PIK3CB: variants seen among roughly 807,000 people sequenced by gnomAD.
The protein encoded by PIK3CB is phosphatidylinositol 4,5-bisphosphate 3-kinase catalytic subunit beta isoform.
Under a neutral mutation model 136.8 loss-of-function variants are expected in PIK3CB, and 39 were observed. The ratio of observed to expected loss-of-function variants is 0.29; its 90% CI spans 0.22 to 0.37. PIK3CB has a LOEUF of 0.37. Ranked by LOEUF, PIK3CB falls within the 10% of genes least tolerant of loss-of-function variation. The pLI is 1.00. For missense variants in PIK3CB, 868 were observed against 1,275.4 expected (o/e 0.68, Z 4.87); for synonymous variants, 428 against 436.6 (o/e 0.98, Z 0.25).
At chr3:138,803,018 CAAG>C (rs1213559045) in intron 1 of PIK3CB, among the ~76,000 whole-genome samples, 1 of 152,052 alleles carries the variant, frequency 6.6e-6, no homozygotes, top group Non-Finnish European at 1.5e-5. Context: ...GACAGCAATG[CAAG>C]AAGTAGAATA....
intron 2 of PIK3CB, among the ~76,000 whole-genome samples, chr3:138,795,088 G>A (rs960424409): frequency 6.6e-6 from 1 of 152,104 alleles, no homozygotes; most frequent in African/African-American, 2.4e-5. Flanking sequence ...GGGAGGCCGA[G>A]GCAGGCAGAT....
At chr3:138,717,372 A>C (rs957916058) in intron 8 of PIK3CB, among the ~76,000 whole-genome samples, 8 of 152,190 alleles carry the variant, frequency 5.3e-5, no homozygotes, top group Admixed American at 5.2e-4. Flanking sequence ...TTTATTTTAT[A>C]TAATGTTACC....
intron 3 of PIK3CB, among the ~76,000 whole-genome samples, chr3:138,757,422 CA>C (rs1307839938): frequency 2.8e-5 from 4 of 140,690 alleles, no homozygotes; most frequent in East Asian, 2.1e-4. Flanking sequence ...AAACAAAAAA[CA>C]AAAAAAAACC....
chr3:138,738,877 T>C (rs1459866124), intron 5 of PIK3CB, among the ~76,000 whole-genome samples: 1 of 152,250 alleles, frequency 6.6e-6, no homozygotes, highest in East Asian at 1.9e-4. Context: ...TAATTTAATT[T>C]AAATAAATCA....
chr3:138,745,042 C>T (rs1399754927), intron 4 of PIK3CB, among the ~76,000 whole-genome samples: 2 of 152,184 alleles, frequency 1.3e-5, no homozygotes, highest in African/African-American at 4.8e-5. Context: ...AGAGATTTCT[C>T]CAACAGGAAT....
chr3:138,817,192 GC>G (rs1461591407), intron 1 of PIK3CB, among the ~76,000 whole-genome samples: 1 of 152,102 alleles, frequency 6.6e-6, no homozygotes, highest in African/African-American at 2.4e-5. Context: ...CAAAAAATTA[GC>G]CGGGCGAGGT....
chr3:138,711,921 G>A (rs920990821), intron 10 of PIK3CB, among the ~76,000 whole-genome samples: 1 of 151,540 alleles, frequency 6.6e-6, no homozygotes, highest in African/African-American at 2.4e-5. Flanking sequence ...ACCAGCCTTG[G>A]CAGTATAGCG....
chr3:138,812,526 T>C (rs1035483173), intron 1 of PIK3CB, among the ~76,000 whole-genome samples: 6 of 149,362 alleles, frequency 4.0e-5, no homozygotes, highest in African/African-American at 1.5e-4. Flanking sequence ...TGAGCCACTG[T>C]GCCTGGCTTT....
chr3:138,701,406 A>C (rs1157822768), intron 12 of PIK3CB, among the ~76,000 whole-genome samples: 1 of 152,148 alleles, frequency 6.6e-6, no homozygotes, highest in African/African-American at 2.4e-5. Context: ...CTGAATCAGT[A>C]TTATTTTCCT....
chr3:138,712,257 T>C lies in PIK3CB; in HGVS notation c.1350A>G (p.Gly450=). The C allele has an allele frequency of 6.3e-7, 1 of 1,588,474 alleles. No individual in the cohort carries two copies. ...WVNTMVFDFK[G]QLRTGDIILH... ...ATATTATGTCTCCAGTTCTCAATTG[T>C]CCTTTAAAGTCAAAAACCATCGTAT... The change falls in exon 10 of 24, where the codon GGA becomes GGG. Residue 450 remains glycine (G), a synonymous_variant. Coordinates refer to ENST00000674063, the MANE Select transcript of PIK3CB (RefSeq NM_006219.3).
At chr3:138,705,912 C>A (rs2044370401) in intron 11 of PIK3CB, among the ~76,000 whole-genome samples, 1 of 152,132 alleles carries the variant, frequency 6.6e-6, no homozygotes, top group Admixed American at 6.5e-5. Flanking sequence ...GCCACCACAC[C>A]CAGCTAACTT....
intron 1 of PIK3CB, among the ~76,000 whole-genome samples, chr3:138,814,153 C>A (rs982656123): frequency 6.6e-6 from 1 of 152,056 alleles, no homozygotes; most frequent in Non-Finnish European, 1.5e-5. Context: ...TAACTATAAA[C>A]TCAAACAGTC....
chr3:138,696,850 C>T (rs1162907306), intron 13 of PIK3CB, among the ~76,000 whole-genome samples: 3 of 151,886 alleles, frequency 2.0e-5, no homozygotes, highest in African/African-American at 7.3e-5. Context: ...TTTGAAATAG[C>T]AGTAATAAAA....
intron 1 of PIK3CB, among the ~76,000 whole-genome samples, chr3:138,819,592 A>T (rs1016091586): frequency 1.3e-5 from 2 of 152,184 alleles, no homozygotes; most frequent in African/African-American, 4.8e-5. Flanking sequence ...AATAAGAAGG[A>T]CATTTTTAAA....
At chr3:138,794,943 G>A (rs1466622545) in intron 2 of PIK3CB, among the ~76,000 whole-genome samples, 1 of 152,116 alleles carries the variant, frequency 6.6e-6, no homozygotes, top group Non-Finnish European at 1.5e-5. Context: ...AGAGGCTGAG[G>A]CAGGAGGATC....
chr3:138,659,157 C>A (rs1214290674), intron 21 of PIK3CB, among the ~76,000 whole-genome samples: 1 of 152,154 alleles, frequency 6.6e-6, no homozygotes, highest in Non-Finnish European at 1.5e-5. Context: ...ACTGGACTAC[C>A]CCACCCCCCA....
intron 12 of PIK3CB, among the ~76,000 whole-genome samples, chr3:138,701,399 A>C (rs1412519860): frequency 6.6e-6 from 1 of 152,126 alleles, no homozygotes; most frequent in Non-Finnish European, 1.5e-5. Context: ...TATAGAACTG[A>C]ATCAGTATTA....
intron 17 of PIK3CB, 102 bp from the exon 18 acceptor site, chr3:138,683,889 C>T: frequency 1.5e-6 from 1 of 679,812 alleles, no homozygotes; most frequent in Non-Finnish European, 2.6e-6. Context: ...TCACCTATTC[C>T]TGTCAGGTCT....
chr3:138,815,368 A>AAAACAAAAC (rs1553743730), intron 1 of PIK3CB, among the ~76,000 whole-genome samples: 8 of 105,910 alleles, frequency 7.6e-5, no homozygotes, highest in African/African-American at 1.1e-4. Context: ...AAAAAAAAAA[A>AAAACAAAAC]AAAAAAACTA....
Sources: allele counts gnomAD v4.1 joint callset (sites outside exome capture counted in the v4.1 genomes callset), GRCh38; gene constraint gnomAD v4.1.1; transcripts MANE v1.5; gene names NCBI Gene and HGNC (gene_info 2026-07-23, HGNC 2026-07-21).